Variants in ALOX12B observed in about 807,000 individuals in gnomAD.
ALOX12B encodes the protein arachidonate 12-lipoxygenase, 12R-type.
ALOX12B carries 47 observed loss-of-function variants against 78.9 expected under a neutral mutation model. The ratio of observed to expected loss-of-function variants is 0.60; its 90% CI spans 0.47 to 0.76. ALOX12B has a LOEUF of 0.76. Ranked by LOEUF, ALOX12B falls within the 30% of genes least tolerant of loss-of-function variation. The pLI is 0.00. For missense variants in ALOX12B, 805 were observed against 922.6 expected, an observed-to-expected ratio of 0.87 and a Z score of 1.65; for synonymous variants, 370 against 374.5, an observed-to-expected ratio of 0.99 and a Z score of 0.14.
In ALOX12B at chr17:8,076,213, G is replaced by C; in HGVS notation, c.1494C>G (p.Tyr498Ter). ...RGVQDLPGYY[Y>*]RDDSLAVWNA... ...TCCACACCGCCAAGCTGTCATCGCG[G>C]TAGTAATATCCAGGCAGGTCCTGGA... Residue 498 changes from tyrosine to a stop codon, truncating the protein, a stop_gained, in exon 11 of 15, where the codon TAC becomes TAG. Transcript: ENST00000647874. LOFTEE classifies it high-confidence loss of function. 1 of 1,614,146 alleles carries C rather than the reference G, an allele frequency of 6.2e-7. No individual in the cohort carries two copies. Among genetic ancestry groups the C allele is most frequent in the Non-Finnish European group, 8.5e-7 (1 of 1,180,028 alleles).
At chr17:8,078,860 G>T (rs1977143811) in intron 8 of ALOX12B, among the ~76,000 whole-genome samples, 1 of 148,946 alleles carries the variant, frequency 6.7e-6, no homozygotes, top group Non-Finnish European at 1.5e-5. Flanking sequence ...CAACACACAA[G>T]AAGATGTGTG....
intron 2 of ALOX12B, among the ~76,000 whole-genome samples, chr17:8,084,160 A>G (rs1978290985): frequency 6.6e-6 from 1 of 151,802 alleles, no homozygotes; most frequent in Non-Finnish European, 1.5e-5. Context: ...TCTCAAAAAA[A>G]AAAATTTGAA....
At chr17:8,082,610 CG>C (rs969400994) in intron 2 of ALOX12B, among the ~76,000 whole-genome samples, 195 of 145,994 alleles carry the variant, frequency 1.3e-3, no homozygotes, top group African/African-American at 4.7e-3. Flanking sequence ...CTATAGATTA[CG>C]CCTGTGACGC....
intron 1 of ALOX12B, among the ~76,000 whole-genome samples, chr17:8,086,559 C>T (rs965525791): frequency 3.9e-5 from 6 of 152,158 alleles, no homozygotes; most frequent in Non-Finnish European, 8.8e-5. Context: ...CTACAGTTTT[C>T]GAGTGGGGAG....
At chr17:8,083,513 G>C (rs1179296185) in intron 2 of ALOX12B, among the ~76,000 whole-genome samples, 1 of 150,612 alleles carries the variant, frequency 6.6e-6, no homozygotes, top group East Asian at 2.0e-4. Flanking sequence ...GGTGGATCAT[G>C]AGGTCAGGAA....
chr17:8,086,789 G>A (rs1306656951), intron 1 of ALOX12B, among the ~76,000 whole-genome samples: 1 of 152,196 alleles, frequency 6.6e-6, no homozygotes, highest in Non-Finnish European at 1.5e-5. Flanking sequence ...CAGTTAGGAG[G>A]CAGCTGAATT....
At position 8,075,668 on chromosome 17, in the gene ALOX12B, C is replaced by T; in HGVS notation, c.1581G>A (p.Val527=). The part of the protein sequence containing the change: ...ITYYYPSDAA[V]EGDPELQSWV... The stretch of plus-strand genomic sequence containing the variant: ...AAGACTGCAATTCCGGATCACCCTC[C>T]ACGGCTGCGTCACTCGGGTAATAAT... Residue 527 remains valine, a synonymous_variant, in exon 12 of 15, where the codon GTG becomes GTA. Transcript: ENST00000647874. 6.2e-7 allele frequency: 1 copy of T among 1,614,154 alleles called. No individual in the cohort carries two copies. Among genetic ancestry groups the T allele is most frequent in the Non-Finnish European group, 8.5e-7 (1 of 1,180,040 alleles).
intron 1 of ALOX12B, among the ~76,000 whole-genome samples, chr17:8,086,444 A>G (rs553541271): frequency 7.9e-5 from 12 of 152,260 alleles, no homozygotes; most frequent in Admixed American, 6.5e-4. Context: ...GTAGGACTCC[A>G]GCCCCTCCTT....
At position 8,075,609 on chromosome 17, in the gene ALOX12B, C is replaced by A; in HGVS notation, c.1640G>T (p.Gly547Val). ...VQEIFKECLL[G>V]RESSGFPRCL... Reference sequence around the variant, plus strand: ...CAGGCCCATACCTGAGCTCTCCCGCCCCAGGAGGCACTCTTTAAATATTTC... The same window carrying A: ...CAGGCCCATACCTGAGCTCTCCCGCACCAGGAGGCACTCTTTAAATATTTC... Residue 547 changes from glycine to valine, a missense_variant, in exon 12 of 15, where the codon GGG becomes GTG. Coordinates refer to ENST00000647874, the MANE Select transcript of ALOX12B (RefSeq NM_001139.3). 1 of 1,614,190 alleles carries A rather than the reference C, an allele frequency of 6.2e-7. No homozygotes were observed. Among genetic ancestry groups the A allele is most frequent in the Non-Finnish European group, 8.5e-7 (1 of 1,180,032 alleles).
chr17:8,086,332 C>A (rs988649393), intron 1 of ALOX12B, 112 bp from the exon 2 acceptor site: 26 of 1,071,600 alleles, frequency 2.4e-5, no homozygotes, highest in Non-Finnish European at 3.4e-5. Context: ...ATGCTCACCT[C>A]CCTGGACTGA....
At chr17:8,083,966 G>A (rs535228035) in intron 2 of ALOX12B, among the ~76,000 whole-genome samples, 38 of 152,066 alleles carry the variant, frequency 2.5e-4, no homozygotes, top group African/African-American at 8.4e-4. Context: ...AAACCATCCT[G>A]GCTAACACGG....
Position 8,076,209 on chromosome 17 carries a change from C to T in ALOX12B, c.1498G>A (p.Asp500Asn), listed in dbSNP as rs1064796312. ...VQDLPGYYYR[D>N]DSLAVWNALE... ...GCATTCCACACCGCCAAGCTGTCAT[C>T]GCGGTAGTAATATCCAGGCAGGTCC... The change falls in exon 11 of 15, where the codon GAT becomes AAT. Residue 500 changes from aspartate (D) to asparagine (N), a missense_variant. Transcript: ENST00000647874. 7.4e-6 allele frequency: 12 copies of T among 1,614,024 alleles called. No individual in the cohort carries two copies. In the East Asian group the frequency reaches 8.9e-5, roughly 12 times the overall value.
chr17:8,087,439 C>T lies in ALOX12B; in HGVS notation c.4G>A (p.Ala2Thr), dbSNP rs925216708. 3.1e-6 allele frequency: 5 copies of T among 1,614,108 alleles called. No homozygotes were observed. In the African/African-American group the frequency reaches 4.0e-5, roughly 13 times the overall value. The change falls in exon 1 of 15, where the codon GCC becomes ACC. Residue 2 changes from alanine (A) to threonine (T), a missense_variant. By Grantham distance (58) the Ala-to-Thr change is moderately conservative. Coordinates refer to ENST00000647874, the MANE Select transcript of ALOX12B (RefSeq NM_001139.3). Reference protein sequence around the residue: MATYKVRVATGT... With the variant: MTTYKVRVATGT... ...GTGGCCACCCTGACTTTGTAGGTGG[C>T]CATGGCTGCTCTTCAGGAGGCAAGA...
Position 8,075,807 on chromosome 17 carries a change from C to A in ALOX12B, c.1533-91G>T, listed in dbSNP as rs999719933. On this transcript the variant is annotated intron_variant, in intron 11 of 14. Coordinates refer to ENST00000647874, the MANE Select transcript of ALOX12B (RefSeq NM_001139.3). ...CACCTCCCCCAGGGTGCCCTGACCTCAGTTGGCCCCAGAGCTGCCCCAGGC... is the reference window on the plus strand; with the variant it reads ...CACCTCCCCCAGGGTGCCCTGACCTAAGTTGGCCCCAGAGCTGCCCCAGGC... The A allele has an allele frequency of 2.5e-6, 4 of 1,605,042 alleles. No individual in the cohort carries two copies. The African/African-American group carries it at 5.4e-5, about 21-fold the overall frequency.
chr17:8,078,294 G>A (rs1312298992), intron 8 of ALOX12B, among the ~76,000 whole-genome samples: 5 of 151,098 alleles, frequency 3.3e-5, no homozygotes, highest in South Asian at 4.2e-4. Context: ...TACAGGCGCC[G>A]CCCCCGACCA....
At chr17:8,081,624 A>G (rs980942441) in intron 2 of ALOX12B, 1 of 250,762 alleles carries the variant, frequency 4.0e-6, no homozygotes, top group South Asian at 5.2e-5. Context: ...TCCATTGTCT[A>G]TTGTTTTGCT....
chr17:8,087,414 G>GT lies in ALOX12B; in HGVS notation c.28dup (p.Thr10AsnfsTer26). On this transcript the variant is annotated frameshift_variant, in exon 1 of 15. Transcript: ENST00000647874. LOFTEE classifies it high-confidence loss of function. The stretch of plus-strand genomic sequence containing the variant: ...TGTTCCCGACAAGAGGTCGGTGCCT[G>GT]TGGCCACCCTGACTTTGTAGGTGGC... The GT allele has an allele frequency of 1.2e-6, 2 of 1,614,250 alleles. No homozygotes were observed. The highest frequency in any genetic ancestry group is 8.5e-7 in the Non-Finnish European group (1 of 1,180,046).
In ALOX12B at chr17:8,081,202, A is replaced by G. The variant is rs775084323; in HGVS notation, c.353-15T>C. On this transcript the variant is annotated splice_polypyrimidine_tract_variant and intron_variant, in intron 2 of 14. Transcript: ENST00000647874. ...TGTTGTCTTTCCTGTAGGGAGACCAAGGAGAGGACTCAAGGGCTGACCCTT... is the reference window on the plus strand; with the variant it reads ...TGTTGTCTTTCCTGTAGGGAGACCAGGGAGAGGACTCAAGGGCTGACCCTT... 48 of 1,613,072 alleles carry G rather than the reference A, an allele frequency of 3.0e-5. No individual in the cohort carries two copies. Among genetic ancestry groups the G allele is most frequent in the Non-Finnish European group, 4.0e-5 (47 of 1,179,268 alleles).
Position 8,087,369 on chromosome 17 carries a change from G to C in ALOX12B, c.74C>G (p.Thr25Ser). 6.2e-7 allele frequency: 1 copy of C among 1,614,204 alleles called. No individual in the cohort carries two copies. Among genetic ancestry groups the C allele is most frequent in the South Asian group, 1.1e-5 (1 of 91,088 alleles). Reference protein sequence around the residue: ...LSGTRDSISLTIVGTQGESHK... With the variant: ...LSGTRDSISLSIVGTQGESHK... Reference sequence around the variant, plus strand: ...GCTCTCTCCTTGTGTCCCCACAATGGTCAGTGAGATGGAGTCCCGTGTTCC... The same window carrying C: ...GCTCTCTCCTTGTGTCCCCACAATGCTCAGTGAGATGGAGTCCCGTGTTCC... The change falls in exon 1 of 15, where the codon ACC (threonine) becomes AGC (serine). Residue 25 changes from threonine to serine, a missense_variant. Transcript: ENST00000647874.
Sources: allele counts gnomAD v4.1 joint callset (sites outside exome capture counted in the v4.1 genomes callset), GRCh38; gene constraint gnomAD v4.1.1; transcripts MANE v1.5; gene names NCBI Gene and HGNC (gene_info 2026-07-23, HGNC 2026-07-21).